CRMP1: variants seen among roughly 807,000 people sequenced by gnomAD.
CRMP1 encodes collapsin response mediator protein 1, also known as dihydropyrimidinase-related protein 1.
Under a neutral mutation model 68.3 loss-of-function variants are expected in CRMP1, and 19 were observed. The ratio of observed to expected loss-of-function variants is 0.28; its 90% confidence interval spans 0.19 to 0.41. The LOEUF is 0.41. Among genes scored for constraint, CRMP1 ranks in the 10% least tolerant of loss-of-function variants. The probability of loss-of-function intolerance (pLI) is 1.00; values close to 1 mark genes in which losing one functional copy is unlikely to be tolerated. For missense variants in CRMP1, 791 were observed against 967.4 expected (o/e 0.82, Z 2.42); for synonymous variants, 439 against 399.6 (o/e 1.10, Z -1.18).
chr4:5,873,075 T>C (rs1714569899), intron 1 of CRMP1, among the ~76,000 whole-genome samples: 1 of 152,336 alleles, frequency 6.6e-6, no homozygotes, highest in South Asian at 2.1e-4. Context: ...CTCCACTCTA[T>C]AAATCATTGT....
intron 2 of CRMP1, among the ~76,000 whole-genome samples, chr4:5,862,702 A>G (rs2152468550): frequency 6.6e-6 from 1 of 152,152 alleles, no homozygotes; most frequent in East Asian, 1.9e-4. Context: ...GTGTCTACAC[A>G]TGGGCACGGA....
chr4:5,848,001 T>C (rs1158414116), intron 6 of CRMP1, among the ~76,000 whole-genome samples: 1 of 152,168 alleles, frequency 6.6e-6, no homozygotes, highest in East Asian at 1.9e-4. Context: ...GCCTGACTTC[T>C]TTCTCTTCTT....
chr4:5,858,213 A>G lies in CRMP1; in HGVS notation c.656-1906T>C, dbSNP rs183077155. 5.7e-4 allele frequency among the ~76,000 whole-genome samples: 86 copies of G among 151,740 alleles called. No homozygotes were observed. Among genetic ancestry groups the G allele is most frequent in the Admixed American group, 2.2e-3 (33 of 15,250 alleles). ...CTTCTTTGGCTGCCGCTTCTCAATC[A>G]TCCTGAGGACTCCATCCCCTACTGT... On this transcript the variant is annotated intron_variant, in intron 3 of 13. Coordinates refer to ENST00000324989, the MANE Select transcript of CRMP1 (RefSeq NM_001014809.3). The surrounding 1 kb of genome is among the most constrained non-coding windows in gnomAD (Gnocchi z 5.5).
chr4:5,828,354 A>G, intron 12 of CRMP1, 135 bp downstream of exon 12: 1 of 1,438,696 alleles, frequency 7.0e-7, no homozygotes, highest in East Asian at 2.5e-5. Context: ...GTCTCAACCC[A>G]TTTAACAGAT....
Position 5,892,693 on chromosome 4 carries a change from C to A in CRMP1, c.277G>T (p.Gly93Cys). ...DTASDVSEPS[G>C]SAVSSPGERD... is the part of the protein sequence containing the mutation. ...TCTCCGGGAGAGCTGACCGCGGAGC[C>A]CGAGGGCTCGCTCACGTCGCTGGCC... Residue 93 changes from glycine (G) to cysteine (C), a missense_variant, in exon 1 of 14, where the codon GGC becomes TGC. Transcript: ENST00000324989. The surrounding 1 kb of genome is among the most constrained non-coding windows in gnomAD (Gnocchi z 8.6). 8.2e-7 allele frequency: 1 copy of A among 1,223,052 alleles called. No homozygotes were observed. The highest frequency in any genetic ancestry group is 1.0e-6 in the Non-Finnish European group (1 of 981,750). The allele number at this position is 1,223,052 out of a possible 1,614,324, so 75.8% of individuals were successfully genotyped here. A position where few individuals can be genotyped will look rare whatever the true frequency, so the allele number is the denominator to read the frequency against.
At position 5,836,780 on chromosome 4, in the gene CRMP1, G is replaced by A. The variant is rs1169700682; in HGVS notation, c.1437C>T (p.Val479=). The A allele has an allele frequency of 6.2e-7, 1 of 1,613,908 alleles. No homozygotes were observed. The highest frequency in any genetic ancestry group is 1.3e-5 in the African/African-American group (1 of 74,936). The change falls in exon 10 of 14, where the codon GTC becomes GTT. Residue 479 remains valine, a synonymous_variant. Transcript: ENST00000324989. ...CCAGCCTTACCACCGCCTTGTCCCA[G>A]ACGACCGTCATCCGCTCCTCTATCC... is the stretch of plus-strand genomic sequence containing the variant. ...VNGIEERMTV[V]WDKAVATGKM... is the part of the protein sequence containing the mutation.
chr4:5,852,721 G>A (rs566558808), intron 4 of CRMP1, among the ~76,000 whole-genome samples: 5 of 152,336 alleles, frequency 3.3e-5, no homozygotes, highest in South Asian at 2.1e-4. Context: ...TAGGGGGCTC[G>A]CCATCTGGGC....
chr4:5,868,128 T>TTCC (rs1714123014), intron 1 of CRMP1, among the ~76,000 whole-genome samples: 1 of 151,782 alleles, frequency 6.6e-6, no homozygotes. Context: ...ATATGGAGTG[T>TTCC]TCCGGGCAGA....
rs1312577087 is a variant in CRMP1, at chr4:5,888,449, C to T, written c.381+4140G>A. The T allele has an allele frequency of 9.1e-6, 11 of 1,213,806 alleles. No homozygotes were observed. The highest frequency in any genetic ancestry group is 1.1e-5 in the Non-Finnish European group (11 of 976,812). The allele number at this position is 1,213,806 out of a possible 1,614,324, so 75.2% of individuals were successfully genotyped here. On this transcript the variant is annotated intron_variant, in intron 1 of 13. Coordinates refer to ENST00000324989, the MANE Select transcript of CRMP1 (RefSeq NM_001014809.3). This position sits in a 1 kb window ranked among gnomAD's most constrained non-coding sequence, Gnocchi z 6.4. ...TGCCCCGGCTGCTCGGCCCGCCCGC[C>T]GCCGCTCCGGCTGCCAGCACCGCCC... is the stretch of plus-strand genomic sequence containing the variant.
rs1715814469 is a variant in CRMP1 at position 5,889,007 on chromosome 4, C to T, written c.381+3582G>A. Among the ~76,000 whole-genome samples the T allele has an allele frequency of 6.6e-6, 1 of 152,028 alleles. No homozygotes were observed. Among genetic ancestry groups the T allele is most frequent in the African/African-American group, 2.4e-5 (1 of 41,392 alleles). On this transcript the variant is annotated intron_variant, in intron 1 of 13. Transcript: ENST00000324989. This position sits in a 1 kb window ranked among gnomAD's most constrained non-coding sequence, Gnocchi z 4.5. ...CACCAAGCACTTTTTCCATCTCGGACCCCAAGCCTTTATTCACGCTGTACC... is the reference window on the plus strand; with the variant it reads ...CACCAAGCACTTTTTCCATCTCGGATCCCAAGCCTTTATTCACGCTGTACC...
chr4:5,835,776 G>T, intron 11 of CRMP1, 139 bp downstream of exon 11: 1 of 1,035,560 alleles, frequency 9.7e-7, no homozygotes, highest in Non-Finnish European at 1.3e-6. Context: ...AACTGGAGGA[G>T]AAATGGGAAT....
intron 1 of CRMP1, among the ~76,000 whole-genome samples, chr4:5,869,379 T>G (rs982832900): frequency 6.6e-6 from 1 of 151,560 alleles, no homozygotes; most frequent in African/African-American, 2.4e-5. Context: ...ATCCCTTGGG[T>G]GGGGGAGAAA....
chr4:5,872,470 T>C lies in CRMP1; in HGVS notation c.382-5714A>G, dbSNP rs969307152. ...GGGAGGCCGAGGTTGGCGGATCACCTGAGGTTAGGAGTTTGAGACCAGCCT... is the reference window on the plus strand; with the variant it reads ...GGGAGGCCGAGGTTGGCGGATCACCCGAGGTTAGGAGTTTGAGACCAGCCT... On this transcript the variant is annotated intron_variant, in intron 1 of 13. Transcript: ENST00000324989. This position sits in a 1 kb window ranked among gnomAD's most constrained non-coding sequence, Gnocchi z 4.6. Among the ~76,000 whole-genome samples the C allele has an allele frequency of 1.3e-5, 2 of 152,114 alleles. No individual in the cohort carries two copies. Among genetic ancestry groups the C allele is most frequent in the African/African-American group, 4.8e-5 (2 of 41,428 alleles).
At chr4:5,852,608 G>C (rs1233890322) in intron 4 of CRMP1, among the ~76,000 whole-genome samples, 2 of 152,208 alleles carry the variant, frequency 1.3e-5, no homozygotes, top group African/African-American at 4.8e-5. Flanking sequence ...GTTACTAAAG[G>C]CATCTTTCAT....
In CRMP1 at chr4:5,825,605, C is replaced by G; in HGVS notation, c.1858G>C (p.Val620Leu). 6.2e-7 allele frequency: 1 copy of G among 1,602,934 alleles called. No individual in the cohort carries two copies. The highest frequency in any genetic ancestry group is 1.1e-5 in the South Asian group (1 of 88,746). Residue 620 changes from valine to leucine, a missense_variant, in exon 13 of 14, where the codon GTA (valine) becomes CTA (leucine). Around this residue, in one of 3 missense-constraint regions of CRMP1, gnomAD observed 594 missense variants for 763.6 expected, o/e 0.78. Transcript: ENST00000324989. The surrounding 1 kb of genome is among the most constrained non-coding windows in gnomAD (Gnocchi z 4.4). ...RGMYDGPVYEVPATPKYATPA... is the reference protein window; with the variant it reads ...RGMYDGPVYELPATPKYATPA... ...GTTGCATATTTGGGTGTAGCTGGTA[C>G]CTCGTACACAGGACCGTCATACATG...
At chr4:5,828,712 C>A (rs771997585) in intron 11 of CRMP1, 44 bp from the exon 12 acceptor site, 1 of 1,599,292 alleles carries the variant, frequency 6.3e-7, no homozygotes, top group Non-Finnish European at 8.6e-7. Context: ...TTTGCTCTGC[C>A]CCAAACGAGC....
At position 5,825,228 on chromosome 4, in the gene CRMP1, A is replaced by C. The variant is rs1719352883; in HGVS notation, c.1969+266T>G. ...GTGTCCCCAAATGTGTGTAAGGATG[A>C]GCACTGGGACAATTTTGGTACCTCT... On this transcript the variant is annotated intron_variant, in intron 13 of 13. Coordinates refer to ENST00000324989, the MANE Select transcript of CRMP1 (RefSeq NM_001014809.3). The surrounding 1 kb of genome is among the most constrained non-coding windows in gnomAD (Gnocchi z 4.4). The C allele has an allele frequency of 1.0e-6, 1 of 985,198 alleles. No homozygotes were observed. The highest frequency in any genetic ancestry group is 1.2e-6 in the Non-Finnish European group (1 of 829,926). The allele number at this position is 985,198 out of a possible 1,614,324, so 61.0% of individuals were successfully genotyped here. A position where few individuals can be genotyped will look rare whatever the true frequency, so the allele number is the denominator to read the frequency against.
At chr4:5,830,690 T>C (rs563293963) in intron 11 of CRMP1, among the ~76,000 whole-genome samples, 10 of 152,294 alleles carry the variant, frequency 6.6e-5, no homozygotes, top group African/African-American at 1.9e-4. Flanking sequence ...CCTGCCAAAC[T>C]GTTTGGTTTA....
chr4:5,885,717 C>T (rs887501714), intron 1 of CRMP1, among the ~76,000 whole-genome samples: 2 of 152,202 alleles, frequency 1.3e-5, no homozygotes, highest in Non-Finnish European at 2.9e-5. Flanking sequence ...ACCCTTAACA[C>T]TTCACTAACA....
Sources: allele counts gnomAD v4.1 joint callset (sites outside exome capture counted in the v4.1 genomes callset), GRCh38; gene constraint gnomAD v4.1.1; regional missense constraint gnomAD v4.1.1; non-coding constraint Gnocchi (gnomAD v3.1); transcripts MANE v1.5; gene names NCBI Gene and HGNC (gene_info 2026-07-23, HGNC 2026-07-21).